Variants in SV2C observed in about 807,000 individuals in gnomAD.
SV2C encodes synaptic vesicle glycoprotein 2C.
Under a neutral mutation model 79.7 loss-of-function variants are expected in SV2C, and 49 were observed. The ratio of observed to expected loss-of-function variants is 0.61; its 90% CI spans 0.49 to 0.78. SV2C has a LOEUF of 0.78. Among genes scored for constraint, SV2C ranks in the 30% least tolerant of loss-of-function variants. The pLI, the probability that SV2C is intolerant of heterozygous loss-of-function variation, is 0.00. For missense variants in SV2C, 833 were observed against 912.9 expected (o/e 0.91, Z 1.13); for synonymous variants, 334 against 333.2 (o/e 1.00, Z -0.03).
chr5:76,150,606 G>A (rs568498469), intron 2 of SV2C, among the ~76,000 whole-genome samples: 110 of 125,478 alleles, frequency 8.8e-4, no homozygotes, highest in African/African-American at 2.9e-3. Context: ...CCAACTATTC[G>A]TCTGTTTATT....
intron 4 of SV2C, among the ~76,000 whole-genome samples, chr5:76,256,737 A>C (rs1040022007): frequency 1.2e-4 from 19 of 152,340 alleles, no homozygotes; most frequent in Middle Eastern, 6.8e-3. Context: ...GCCTGCTACC[A>C]AATCATCTTT....
At position 76,291,760 on chromosome 5, in the gene SV2C, T is replaced by C; in HGVS notation, c.1249-8T>C. On this transcript the variant is annotated splice_polypyrimidine_tract_variant and splice_region_variant and intron_variant, in intron 7 of 12. Coordinates refer to ENST00000502798, the MANE Select transcript of SV2C (RefSeq NM_014979.4). ...GCATGAGAAAACTAACTCTCTAATATTTCACAGATTTGGTTGACTTTTATG... is the reference window on the plus strand; with the variant it reads ...GCATGAGAAAACTAACTCTCTAATACTTCACAGATTTGGTTGACTTTTATG... 6.3e-7 allele frequency: 1 copy of C among 1,599,112 alleles called. No homozygotes were observed.
chr5:75,877,319 TCAA>T, the SV2C span, among the ~76,000 whole-genome samples: 9 of 152,024 alleles, frequency 5.9e-5, no homozygotes, highest in South Asian at 1.7e-3. Flanking sequence ...AATAAATAAT[TCAA>T]CAACAATAAT....
In SV2C at chr5:76,179,198, G is replaced by A. The variant is rs193229964; in HGVS notation, c.581-15721G>A. 1.2e-3 allele frequency among the ~76,000 whole-genome samples: 181 copies of A among 152,310 alleles called. 1 individual carries two copies. The highest frequency in any genetic ancestry group is 4.1e-3 in the African/African-American group (170 of 41,574). ...TGTGCAGTTGAAGTTCAAGGTACAT[G>A]ATTTGGATGAAAGGCAAAAGGAGCA... On this transcript the variant is annotated intron_variant, in intron 2 of 12. Coordinates refer to ENST00000502798, the MANE Select transcript of SV2C (RefSeq NM_014979.4).
intron 1 of SV2C, among the ~76,000 whole-genome samples, chr5:76,086,497 A>C (rs1747203376): frequency 6.6e-6 from 1 of 152,232 alleles, no homozygotes; most frequent in South Asian, 2.1e-4. Flanking sequence ...AAAACCTTCA[A>C]TACACCAGCG....
At chr5:75,936,260 C>T in the SV2C span, among the ~76,000 whole-genome samples, 25 of 152,304 alleles carry the variant, frequency 1.6e-4, no homozygotes, top group Non-Finnish European at 2.2e-4. Context: ...CTGCACAATT[C>T]TCCTCTGGGG....
At position 76,190,784 on chromosome 5, in the gene SV2C, A is replaced by G. The variant is rs116182499; in HGVS notation, c.581-4135A>G. Reference sequence around the variant, plus strand: ...GAAAGAAGTAATAACATCTAAAAAAATGAAGCATTATTTGAGTAACAAAGC... The same window carrying G: ...GAAAGAAGTAATAACATCTAAAAAAGTGAAGCATTATTTGAGTAACAAAGC... On this transcript the variant is annotated intron_variant, in intron 2 of 12. Transcript: ENST00000502798. Among the ~76,000 whole-genome samples the G allele has an allele frequency of 9.4e-3, 1,435 of 152,346 alleles. 15 individuals carry two copies. The highest frequency in any genetic ancestry group is 0.033 in the African/African-American group (1,357 of 41,568).
At chr5:76,005,245 G>T in the SV2C span, among the ~76,000 whole-genome samples, 1 of 152,080 alleles carries the variant, frequency 6.6e-6, no homozygotes, top group African/African-American at 2.4e-5. Context: ...TATATTTATG[G>T]TTCACATAAA....
the SV2C span, among the ~76,000 whole-genome samples, chr5:75,991,358 G>T: frequency 1.3e-5 from 2 of 150,992 alleles, no homozygotes; most frequent in Non-Finnish European, 3.0e-5. Flanking sequence ...TCCTCTATCA[G>T]TCATATACAC....
the SV2C span, among the ~76,000 whole-genome samples, chr5:75,990,554 G>C: frequency 6.6e-6 from 1 of 151,964 alleles, no homozygotes; most frequent in Non-Finnish European, 1.5e-5. Flanking sequence ...TCTCTTACAG[G>C]TTTCTGCAGT....
the SV2C span, among the ~76,000 whole-genome samples, chr5:76,016,170 C>G: frequency 6.9e-6 from 1 of 145,328 alleles, no homozygotes; most frequent in Non-Finnish European, 1.5e-5. Flanking sequence ...TTTGGAAGCA[C>G]AAGGTTGCCA....
At chr5:75,915,676 T>TGG in the SV2C span, among the ~76,000 whole-genome samples, 1 of 152,210 alleles carries the variant, frequency 6.6e-6, no homozygotes, top group African/African-American at 2.4e-5. Context: ...ATAGGATTTG[T>TGG]GGTCCACTTG....
the SV2C span, among the ~76,000 whole-genome samples, chr5:75,880,157 T>A: frequency 7.3e-5 from 11 of 151,216 alleles, no homozygotes; most frequent in Admixed American, 4.6e-4. Context: ...AGGGGCTGCC[T>A]CAGAGATATC....
At chr5:76,349,402 C>T (rs1250158717) in intron 12 of SV2C, among the ~76,000 whole-genome samples, 3 of 151,952 alleles carry the variant, frequency 2.0e-5, no homozygotes. Flanking sequence ...AACCCAGCTA[C>T]TCAGGAGGCT....
chr5:75,857,591 G>A, the SV2C span, among the ~76,000 whole-genome samples: 1 of 152,006 alleles, frequency 6.6e-6, no homozygotes, highest in Non-Finnish European at 1.5e-5. Flanking sequence ...TGGTTATTCT[G>A]GGTCTTTTGT....
At chr5:76,018,377 T>C in the SV2C span, among the ~76,000 whole-genome samples, 2 of 152,212 alleles carry the variant, frequency 1.3e-5, no homozygotes, top group East Asian at 3.8e-4. Flanking sequence ...CACGGGCCTT[T>C]GTTTTCCTTC....
At chr5:75,992,477 T>C in the SV2C span, among the ~76,000 whole-genome samples, 1 of 152,030 alleles carries the variant, frequency 6.6e-6, no homozygotes, top group African/African-American at 2.4e-5. Flanking sequence ...TAGCTATGAG[T>C]AATTGCATAA....
chr5:76,181,225 A>G lies in SV2C; in HGVS notation c.581-13694A>G, dbSNP rs117199767. Among the ~76,000 whole-genome samples the G allele has an allele frequency of 9.1e-4, 138 of 152,332 alleles. 4 individuals are homozygous for G. In the East Asian group the frequency reaches 0.026, roughly 29 times the overall value. On this transcript the variant is annotated intron_variant, in intron 2 of 12. Coordinates refer to ENST00000502798, the MANE Select transcript of SV2C (RefSeq NM_014979.4). The stretch of plus-strand genomic sequence containing the variant: ...CCTGATTCTGTAGATAAAGGTTGGT[A>G]GGAACACAACCACACCCATCTGTTT...
chr5:75,930,481 T>C, the SV2C span, among the ~76,000 whole-genome samples: 18 of 152,360 alleles, frequency 1.2e-4, no homozygotes, highest in East Asian at 3.3e-3. Context: ...AAGGTCTCAG[T>C]GACATGTTAT....
Sources: gnomAD v4.1 joint callset for allele counts (sites outside exome capture counted in the v4.1 genomes callset) on GRCh38, gnomAD v4.1.1 for gene constraint, MANE v1.5 for transcripts, NCBI Gene and HGNC (gene_info 2026-07-23, HGNC 2026-07-21) for gene names.